The following CDH2 variants were observed in gnomAD, a reference collection of about 807,000 sequenced individuals.
The protein encoded by CDH2 is cadherin-2.
Under a neutral mutation model 92.0 loss-of-function variants are expected in CDH2, and 17 were observed. That is an observed-to-expected ratio of 0.18 (90% CI 0.13 to 0.28). The LOEUF is 0.28. Ranked by LOEUF, CDH2 falls within the 10% of genes least tolerant of loss-of-function variation. The pLI is 1.00. For missense variants in CDH2, 862 were observed against 1,133.1 expected (o/e 0.76, Z 3.44); for synonymous variants, 419 against 415.9 (o/e 1.01, Z -0.09).
At chr18:27,973,461 G>GT (rs1247811739) in intron 14 of CDH2, among the ~76,000 whole-genome samples, 1 of 152,082 alleles carries the variant, frequency 6.6e-6, no homozygotes, top group Admixed American at 6.6e-5. Context: ...GCTTTCCCTT[G>GT]TTTTTGGTGA....
chr18:28,038,387 C>A (rs1038840715), intron 2 of CDH2, among the ~76,000 whole-genome samples: 2 of 151,730 alleles, frequency 1.3e-5, no homozygotes, highest in African/African-American at 4.8e-5. Context: ...TGCATCACTG[C>A]ACTCCAGCCT....
chr18:28,144,757 A>T (rs1239947761), intron 2 of CDH2, among the ~76,000 whole-genome samples: 2 of 152,096 alleles, frequency 1.3e-5, no homozygotes, highest in Non-Finnish European at 2.9e-5. Context: ...CAAAGAGTGG[A>T]TGTATTCATG....
intron 15 of CDH2, among the ~76,000 whole-genome samples, chr18:27,953,096 T>A (rs1409904676): frequency 6.6e-6 from 1 of 152,098 alleles, no homozygotes; most frequent in East Asian, 1.9e-4. Context: ...ACTGGTATTT[T>A]AAAAAATAGG....
chr18:27,960,698 C>T (rs1289639399), intron 15 of CDH2, among the ~76,000 whole-genome samples: 1 of 152,152 alleles, frequency 6.6e-6, no homozygotes, highest in Non-Finnish European at 1.5e-5. Context: ...TAGTGATTTG[C>T]TGAATGGATG....
intron 13 of CDH2, among the ~76,000 whole-genome samples, chr18:27,983,351 T>C (rs1430343628): frequency 6.6e-6 from 1 of 152,192 alleles, no homozygotes; most frequent in Non-Finnish European, 1.5e-5. Context: ...GTTCTCAGTT[T>C]TACCATCCAT....
chr18:27,947,813 GTGATA>G (rs1359586530), downstream of CDH2, among the ~76,000 whole-genome samples: 1 of 151,944 alleles, frequency 6.6e-6, no homozygotes, highest in Non-Finnish European at 1.5e-5. Flanking sequence ...GTAAGTATAT[GTGATA>G]TAAGTGTATG....
chr18:28,129,650 A>G (rs2015733361), intron 2 of CDH2, among the ~76,000 whole-genome samples: 2 of 152,232 alleles, frequency 1.3e-5, no homozygotes, highest in Non-Finnish European at 2.9e-5. Context: ...CAACATAGTG[A>G]GCTTCTGTCT....
intron 6 of CDH2, among the ~76,000 whole-genome samples, chr18:27,941,552 G>T (rs760332522): frequency 1.3e-5 from 2 of 152,120 alleles, no homozygotes; most frequent in Admixed American, 6.5e-5. Context: ...AAAGCAATTA[G>T]ATATATTTGC....
Position 28,003,832 on chromosome 18 carries a change from C to T in CDH2, c.848-663G>A, listed in dbSNP as rs17493625. ...AAAGAAATCTTCAAAGCCTTTGTAT[C>T]GAATTAGTTCAAACTAGCTAGACAC... is the stretch of plus-strand genomic sequence containing the variant. On this transcript the variant is annotated intron_variant, in intron 6 of 15. Transcript: ENST00000269141. Among the ~76,000 whole-genome samples, 1,255 of 152,236 alleles carry T rather than the reference C, an allele frequency of 8.2e-3. 40 individuals carry two copies. Among genetic ancestry groups the T allele is most frequent in the African/African-American group, 0.029 (1,203 of 41,522 alleles).
At chr18:27,983,311 T>C (rs913839238) in intron 13 of CDH2, among the ~76,000 whole-genome samples, 1 of 152,194 alleles carries the variant, frequency 6.6e-6, no homozygotes, top group Non-Finnish European at 1.5e-5. Context: ...TGGTGCCCTC[T>C]GCAAACTCAC....
At chr18:27,942,846 C>T (rs1050405499) in intron 6 of CDH2, among the ~76,000 whole-genome samples, 9 of 152,032 alleles carry the variant, frequency 5.9e-5, no homozygotes, top group Non-Finnish European at 8.8e-5. Context: ...TGTGTGAGTG[C>T]GCCTGGCAGC....
rs1266791766 is a variant in CDH2, at chr18:28,176,975, C to A, written c.48G>T (p.Ala16=). The A allele has an allele frequency of 4.9e-6, 7 of 1,434,980 alleles. No individual in the cohort carries two copies. The highest frequency in any genetic ancestry group is 5.5e-6 in the Non-Finnish European group (6 of 1,092,870). 88.9% of individuals were successfully genotyped at this position (1,434,980 alleles called of 1,614,324 possible). A position where few individuals can be genotyped will look rare whatever the true frequency, so the allele number is the denominator to read the frequency against. Residue 16 remains alanine (A), a synonymous_variant, in exon 1 of 16, where the codon GCG becomes GCT. Transcript: ENST00000269141. ...GALRTLLPLL[A]ALLQASVEAS... is the part of the protein sequence containing the mutation. ...GACCGCCGCGTACCTGAAGCAGGGCCGCCAGCAGCGGCAGCAGGGTCCGCA... is the reference window on the plus strand; with the variant it reads ...GACCGCCGCGTACCTGAAGCAGGGCAGCCAGCAGCGGCAGCAGGGTCCGCA...
At position 28,163,253 on chromosome 18, in the gene CDH2, G is replaced by C. The variant is rs138403074; in HGVS notation, c.60+13710C>G. Among the ~76,000 whole-genome samples the C allele has an allele frequency of 5.9e-5, 9 of 152,298 alleles. No individual in the cohort carries two copies. In the East Asian group the frequency reaches 1.7e-3, roughly 29 times the overall value. On this transcript the variant is annotated intron_variant, in intron 1 of 15. Transcript: ENST00000269141. ...ACAACAAGTATCCTAAAATTAGGGG[G>C]AAACTATGCACATACTGCTGGCAGA...
chr18:28,104,180 A>G lies in CDH2; in HGVS notation c.172+43493T>C, dbSNP rs1444905048. On this transcript the variant is annotated intron_variant, in intron 2 of 15. Transcript: ENST00000269141. ...AGACTTATGATGAAGAACTACTATA[A>G]ACACTCTTATCAAAAATTTCTTTAG... Among the ~76,000 whole-genome samples the G allele has an allele frequency of 2.0e-5, 3 of 152,290 alleles. No individual in the cohort carries two copies. In the East Asian group the frequency reaches 5.8e-4, roughly 29 times the overall value.
At chr18:28,027,848 T>G (rs920450222) in intron 2 of CDH2, among the ~76,000 whole-genome samples, 2 of 50,736 alleles carry the variant, frequency 3.9e-5, no homozygotes, top group African/African-American at 1.1e-4. Context: ...TTTGTTTTGT[T>G]TTTTTTTTTT....
chr18:28,068,574 G>C lies in CDH2; in HGVS notation c.173-54665C>G, dbSNP rs888291625. Among the ~76,000 whole-genome samples the C allele has an allele frequency of 2.6e-5, 4 of 152,156 alleles. No homozygotes were observed. The East Asian group carries it at 7.7e-4, about 29-fold the overall frequency. On this transcript the variant is annotated intron_variant, in intron 2 of 15. Coordinates refer to ENST00000269141, the MANE Select transcript of CDH2 (RefSeq NM_001792.5). ...ATACAGCTTATAATGCAGATATTCTGTATTAAAAGTGGAAGATGTATTAAC... is the reference window on the plus strand; with the variant it reads ...ATACAGCTTATAATGCAGATATTCTCTATTAAAAGTGGAAGATGTATTAAC...
chr18:27,967,065 G>C (rs1011546177), intron 14 of CDH2, among the ~76,000 whole-genome samples: 1 of 152,180 alleles, frequency 6.6e-6, no homozygotes. Flanking sequence ...ACCCCATAAT[G>C]ATGGAAGCCT....
At chr18:28,065,366 T>C (rs1458251565) in intron 2 of CDH2, among the ~76,000 whole-genome samples, 1 of 152,098 alleles carries the variant, frequency 6.6e-6, no homozygotes, top group Non-Finnish European at 1.5e-5. Context: ...TGGACGAGTA[T>C]CCAAAACAGA....
At chr18:28,047,534 C>T (rs1010909900) in intron 2 of CDH2, among the ~76,000 whole-genome samples, 1 of 152,142 alleles carries the variant, frequency 6.6e-6, no homozygotes, top group Admixed American at 6.5e-5. Context: ...GTTCTGATCT[C>T]GTAAGATTTG....
Sources: gnomAD v4.1 joint callset for allele counts (sites outside exome capture counted in the v4.1 genomes callset) on GRCh38, gnomAD v4.1.1 for gene constraint, MANE v1.5 for transcripts, NCBI Gene and HGNC (gene_info 2026-07-23, HGNC 2026-07-21) for gene names.